Variants in GRIK2 observed in about 807,000 individuals in gnomAD.
GRIK2 encodes glutamate ionotropic receptor kainate type subunit 2, also known as glutamate receptor ionotropic, kainate 2.
GRIK2 carries 32 observed loss-of-function variants against 100.3 expected under a neutral mutation model. That is an observed-to-expected ratio of 0.32 (90% CI 0.24 to 0.43). The LOEUF is 0.43. Among genes scored for constraint, GRIK2 ranks in the 20% least tolerant of loss-of-function variants. The probability of loss-of-function intolerance (pLI) is 1.00; values close to 1 mark genes in which losing one functional copy is unlikely to be tolerated. For synonymous variants in GRIK2, 417 were observed against 389.4 expected (o/e 1.07, Z -0.83); for missense variants, 843 against 1,114.9 (o/e 0.76, Z 3.47).
chr6:101,875,592 G>C (rs1785769298), intron 11 of GRIK2, among the ~76,000 whole-genome samples: 1 of 151,460 alleles, frequency 6.6e-6, no homozygotes. Context: ...TTTCATTTCT[G>C]TTTTCTAAAT....
chr6:101,536,737 A>G (rs1445578789), intron 2 of GRIK2, among the ~76,000 whole-genome samples: 1 of 146,914 alleles, frequency 6.8e-6, no homozygotes, highest in African/African-American at 2.7e-5. Flanking sequence ...TTGGATTATA[A>G]TCAGATTATT....
intron 2 of GRIK2, among the ~76,000 whole-genome samples, chr6:101,464,515 T>C (rs1771523084): frequency 1.2e-5 from 1 of 83,056 alleles, no homozygotes; most frequent in East Asian, 3.3e-4. Flanking sequence ...TTTTTTTTTT[T>C]TTTTTTTTTT....
intron 14 of GRIK2, among the ~76,000 whole-genome samples, chr6:101,932,496 C>T (rs1478354771): frequency 6.6e-6 from 1 of 151,908 alleles, no homozygotes; most frequent in African/African-American, 2.4e-5. Flanking sequence ...CTATACATCA[C>T]TTATTCCAGG....
At chr6:101,478,342 ACTTTC>A (rs957921233) in intron 2 of GRIK2, among the ~76,000 whole-genome samples, 1 of 151,990 alleles carries the variant, frequency 6.6e-6, no homozygotes, top group African/African-American at 2.4e-5. Flanking sequence ...GTGAAGGTTT[ACTTTC>A]CTTTGTTTTC....
At chr6:101,465,988 C>T (rs1424507637) in intron 2 of GRIK2, among the ~76,000 whole-genome samples, 1 of 152,108 alleles carries the variant, frequency 6.6e-6, no homozygotes, top group Non-Finnish European at 1.5e-5. Flanking sequence ...AAAACAAGAA[C>T]AAGAACAACA....
intron 14 of GRIK2, among the ~76,000 whole-genome samples, chr6:101,956,101 T>G (rs1716632006): frequency 6.6e-6 from 1 of 152,126 alleles, no homozygotes; most frequent in African/African-American, 2.4e-5. Flanking sequence ...GTATTTTTAT[T>G]CAGCTAATAA....
chr6:101,772,364 G>A (rs554669990), intron 7 of GRIK2, among the ~76,000 whole-genome samples: 183 of 152,200 alleles, frequency 1.2e-3, no homozygotes, highest in Non-Finnish European at 2.0e-3. Flanking sequence ...ATGGACTGAA[G>A]TGGAAGAGGA....
intron 1 of GRIK2, chr6:101,398,752 A>G (rs1349440624): frequency 2.9e-6 from 1 of 349,258 alleles, no homozygotes; most frequent in Non-Finnish European, 5.1e-6. Flanking sequence ...GTTGCATAAT[A>G]GATATTGGGG....
At chr6:101,584,946 A>T (rs908052727) in intron 2 of GRIK2, among the ~76,000 whole-genome samples, 2 of 152,046 alleles carry the variant, frequency 1.3e-5, no homozygotes, top group South Asian at 2.1e-4. Flanking sequence ...CAGTAAGTGG[A>T]GATGTAACTA....
intron 2 of GRIK2, among the ~76,000 whole-genome samples, chr6:101,551,440 G>T (rs920260081): frequency 6.6e-6 from 1 of 152,104 alleles, no homozygotes; most frequent in Non-Finnish European, 1.5e-5. Context: ...ACTAGAAATT[G>T]AGGGTGGGAT....
chr6:101,633,734 T>C (rs1291404392), intron 4 of GRIK2, among the ~76,000 whole-genome samples: 1 of 152,176 alleles, frequency 6.6e-6, no homozygotes, highest in African/African-American at 2.4e-5. Flanking sequence ...TCTGTTTCTC[T>C]ACAAATACAC....
At chr6:101,500,810 C>A (rs1348993057) in intron 2 of GRIK2, among the ~76,000 whole-genome samples, 1 of 151,960 alleles carries the variant, frequency 6.6e-6, no homozygotes, top group Non-Finnish European at 1.5e-5. Context: ...AGCTCTATGA[C>A]CTGATCAGAT....
chr6:101,521,628 T>A (rs1011182753), intron 2 of GRIK2, among the ~76,000 whole-genome samples: 6 of 151,954 alleles, frequency 3.9e-5, no homozygotes, highest in South Asian at 4.1e-4. Flanking sequence ...AAAATTTTTT[T>A]AATAATAATA....
intron 4 of GRIK2, among the ~76,000 whole-genome samples, chr6:101,644,083 T>C (rs1450833932): frequency 6.6e-6 from 1 of 151,794 alleles, no homozygotes; most frequent in Non-Finnish European, 1.5e-5. Context: ...TAATATCTTA[T>C]CAAGCACTTC....
chr6:101,987,734 T>C (rs1025760139), intron 14 of GRIK2, among the ~76,000 whole-genome samples: 3 of 151,280 alleles, frequency 2.0e-5, no homozygotes, highest in African/African-American at 7.3e-5. Context: ...CTTCATTTTT[T>C]AAACTAGTAA....
In GRIK2 at chr6:101,804,715, G is replaced by A. The variant is rs1052710575; in HGVS notation, c.1203+2277G>A. ...ACCTTCCCCTGAAAAGACAGATAAG[G>A]TACCGAGGATGGGTGGAGGTAAGTT... On this transcript the variant is annotated intron_variant, in intron 9 of 16. Coordinates refer to ENST00000369134, the MANE Select transcript of GRIK2 (RefSeq NM_021956.5). Among the ~76,000 whole-genome samples, 34 of 152,022 alleles carry A rather than the reference G, an allele frequency of 2.2e-4. 1 individual carries two copies. The highest frequency in any genetic ancestry group is 7.9e-4 in the African/African-American group (33 of 41,512).
chr6:101,501,820 T>C (rs895019250), intron 2 of GRIK2, among the ~76,000 whole-genome samples: 1 of 152,138 alleles, frequency 6.6e-6, no homozygotes, highest in Non-Finnish European at 1.5e-5. Flanking sequence ...TGCCCTGGCT[T>C]GATCTCTGCT....
At chr6:101,573,630 C>A (rs73506647) in intron 2 of GRIK2, among the ~76,000 whole-genome samples, 13,677 of 152,074 alleles carry the variant, frequency 0.09, 1,582 homozygotes, top group African/African-American at 0.27. Context: ...TACATTGTGA[C>A]AAAATATTTG....
chr6:101,736,089 C>G (rs1310235713), intron 7 of GRIK2, among the ~76,000 whole-genome samples: 1 of 152,164 alleles, frequency 6.6e-6, no homozygotes, highest in Admixed American at 6.5e-5. Flanking sequence ...CTCCATGTCT[C>G]ACATCCAGGT....
Sources: gnomAD v4.1 joint callset for allele counts (sites outside exome capture counted in the v4.1 genomes callset) on GRCh38, gnomAD v4.1.1 for gene constraint, MANE v1.5 for transcripts, NCBI Gene and HGNC (gene_info 2026-07-23, HGNC 2026-07-21) for gene names.